The following CHD7 variants were observed in gnomAD, a reference collection of about 807,000 sequenced individuals.
CHD7 encodes chromodomain helicase DNA binding protein 7, also known as ATP-dependent chromatin remodeler CHD7.
In CHD7, 24 loss-of-function variants were observed where a neutral mutation model predicts 307.3. The observed-to-expected ratio is 0.08, with a 90% CI of 0.06 to 0.11. CHD7 has a LOEUF of 0.11. Among genes scored for constraint, CHD7 ranks in the 10% least tolerant of loss-of-function variants. CHD7 has a pLI of 1.00. For synonymous variants in CHD7, 1,363 were observed against 1,349.9 expected (o/e 1.01, Z -0.21); for missense variants, 3,106 against 3,727.1 (o/e 0.83, Z 4.34).
chr8:60,753,209 TG>T (rs1809722615), intron 2 of CHD7, among the ~76,000 whole-genome samples: 1 of 152,230 alleles, frequency 6.6e-6, no homozygotes, highest in African/African-American at 2.4e-5. Context: ...TTTCTCTGAA[TG>T]TTTTTTTCTG....
intron 1 of CHD7, among the ~76,000 whole-genome samples, chr8:60,736,067 G>A (rs1296970152): frequency 6.6e-6 from 1 of 152,214 alleles, no homozygotes; most frequent in Admixed American, 6.5e-5. Flanking sequence ...AGAAAATGTG[G>A]TCTTGGCCCC....
At chr8:60,776,443 G>A (rs1235253479) in intron 2 of CHD7, among the ~76,000 whole-genome samples, 1 of 152,190 alleles carries the variant, frequency 6.6e-6, no homozygotes, top group Non-Finnish European at 1.5e-5. Flanking sequence ...AAGCTTGCTT[G>A]TGAAGCATTT....
chr8:60,680,117 C>T (rs1189244074), intron 1 of CHD7, among the ~76,000 whole-genome samples: 2 of 151,726 alleles, frequency 1.3e-5, no homozygotes, highest in Middle Eastern at 3.2e-3. Flanking sequence ...CCCAACCCGC[C>T]GGGGGTCAGC....
At chr8:60,788,065 G>A (rs1432108334) in intron 3 of CHD7, among the ~76,000 whole-genome samples, 4 of 151,460 alleles carry the variant, frequency 2.6e-5, no homozygotes, top group African/African-American at 9.7e-5. Context: ...CAAGTGATCC[G>A]CCTACCTTGG....
chr8:60,699,539 A>T (rs1370018024), intron 1 of CHD7, among the ~76,000 whole-genome samples: 4 of 151,136 alleles, frequency 2.6e-5, no homozygotes, highest in Non-Finnish European at 5.9e-5. Flanking sequence ...TTTTTTTTTT[A>T]AAGCCTGGGG....
chr8:60,757,518 C>T (rs191343354), intron 2 of CHD7, among the ~76,000 whole-genome samples: 1 of 152,280 alleles, frequency 6.6e-6, no homozygotes, highest in Admixed American at 6.5e-5. Flanking sequence ...AAGGACTGCC[C>T]TCTTGATATT....
intron 1 of CHD7, among the ~76,000 whole-genome samples, chr8:60,701,177 C>A (rs913473404): frequency 6.6e-6 from 1 of 152,198 alleles, no homozygotes; most frequent in Non-Finnish European, 1.5e-5. Context: ...GCAGCAGCAA[C>A]AGTTTAGTCA....
rs145185797 is a variant in CHD7, at chr8:60,797,539, C to A, written c.2238+2412C>A. Among the ~76,000 whole-genome samples, 69 of 152,318 alleles carry A rather than the reference C, an allele frequency of 4.5e-4. No individual in the cohort carries two copies. In the East Asian group the frequency reaches 9.2e-3, roughly 20 times the overall value. Reference sequence around the variant, plus strand: ...TAGCATAAAGTGGATTTGTCTTAGACCCTATCCAGTTACTTATATGGCACA... The same window carrying A: ...TAGCATAAAGTGGATTTGTCTTAGAACCTATCCAGTTACTTATATGGCACA... On this transcript the variant is annotated intron_variant, in intron 4 of 37. Coordinates refer to ENST00000423902, the MANE Select transcript of CHD7 (RefSeq NM_017780.4).
Position 60,857,816 on chromosome 8 carries a change from C to G in CHD7, c.7608+928C>G, listed in dbSNP as rs144642142. On this transcript the variant is annotated intron_variant, in intron 34 of 37. Coordinates refer to ENST00000423902, the MANE Select transcript of CHD7 (RefSeq NM_017780.4). ...ATTATTATTTGCCCATTTTCTATTT[C>G]TTGAACTCAGAGAAAGCTTAATAAG... is the stretch of plus-strand genomic sequence containing the variant. Among the ~76,000 whole-genome samples the G allele has an allele frequency of 4.4e-3, 671 of 152,326 alleles. 6 individuals carry two copies. The highest frequency in any genetic ancestry group is 0.016 in the African/African-American group (650 of 41,570).
In CHD7 at chr8:60,860,907, G is replaced by A. The variant is rs1173657826; in HGVS notation, c.7612G>A (p.Asp2538Asn). 1 of 1,610,276 alleles carries A rather than the reference G, an allele frequency of 6.2e-7. No homozygotes were observed. Among genetic ancestry groups the A allele is most frequent in the Non-Finnish European group, 8.5e-7 (1 of 1,177,796 alleles). ...SHKRTSLSAE[D>N]AEVTKAFEED... ...TACCATTGTGAACTTTCTGCAGGAG[G>A]ATGCTGAGGTGACCAAAGCTTTTGA... Residue 2538 changes from aspartate to asparagine, a missense_variant, in exon 35 of 38, where the codon GAT becomes AAT. By Grantham distance (23) the Asp-to-Asn change is conservative. Around this residue, in one of 10 missense-constraint regions of CHD7, gnomAD observed 1,030 missense variants for 1,165.4 expected, o/e 0.88. Coordinates refer to ENST00000423902, the MANE Select transcript of CHD7 (RefSeq NM_017780.4).
intron 1 of CHD7, among the ~76,000 whole-genome samples, chr8:60,699,742 C>T (rs771889843): frequency 6.6e-6 from 1 of 152,120 alleles, no homozygotes; most frequent in Admixed American, 6.5e-5. Flanking sequence ...CCAGACTTCA[C>T]GTGTCATCCG....
intron 1 of CHD7, among the ~76,000 whole-genome samples, chr8:60,727,833 C>T (rs1388772934): frequency 2.6e-5 from 4 of 152,146 alleles, no homozygotes; most frequent in African/African-American, 9.7e-5. Flanking sequence ...TTTTCTACAC[C>T]TCTCTTCCAT....
At chr8:60,757,886 A>G (rs1809972449) in intron 2 of CHD7, among the ~76,000 whole-genome samples, 1 of 152,170 alleles carries the variant, frequency 6.6e-6, no homozygotes, top group Non-Finnish European at 1.5e-5. Context: ...TGTGAGACAA[A>G]TATGTTCAGG....
At chr8:60,744,748 GGGA>G (rs1257257155) in intron 2 of CHD7, among the ~76,000 whole-genome samples, 1 of 151,548 alleles carries the variant, frequency 6.6e-6, no homozygotes, top group Admixed American at 6.6e-5. Context: ...CCAGCTGCTT[GGGA>G]GGCTGAGGCA....
At chr8:60,847,378 C>T (rs2150798063) in intron 23 of CHD7, among the ~76,000 whole-genome samples, 1 of 152,314 alleles carries the variant, frequency 6.6e-6, no homozygotes, top group Non-Finnish European at 1.5e-5. Context: ...TAACTCTGGC[C>T]TTAGATTTGT....
chr8:60,695,097 G>A (rs1044136991), intron 1 of CHD7, among the ~76,000 whole-genome samples: 4 of 152,108 alleles, frequency 2.6e-5, no homozygotes, highest in Admixed American at 6.5e-5. Context: ...AGCCTGGCAT[G>A]GAGCGGAGAA....
rs567832696 is a variant in CHD7 at position 60,838,387 on chromosome 8, C to T, written c.4533+132C>T. 1.8e-3 allele frequency: 1,415 copies of T among 789,816 alleles called. 4 individuals are homozygous for T. Among genetic ancestry groups the T allele is most frequent in the Non-Finnish European group, 2.0e-3 (1,007 of 496,820 alleles). 48.9% of individuals were successfully genotyped at this position (789,816 alleles called of 1,614,324 possible). On this transcript the variant is annotated intron_variant, in intron 19 of 37. Coordinates refer to ENST00000423902, the MANE Select transcript of CHD7 (RefSeq NM_017780.4). Reference sequence around the variant, plus strand: ...TTAATCATTAACTCCCTGTGGAACCCCTGGCACATGAAGCTTTCTTTATGC... The same window carrying T: ...TTAATCATTAACTCCCTGTGGAACCTCTGGCACATGAAGCTTTCTTTATGC...
chr8:60,725,779 C>T (rs1447381439), intron 1 of CHD7, among the ~76,000 whole-genome samples: 1 of 152,186 alleles, frequency 6.6e-6, no homozygotes, highest in African/African-American at 2.4e-5. Context: ...AGAGATTTCA[C>T]TCTTCTGAGA....
chr8:60,700,844 A>G (rs994209742), intron 1 of CHD7, among the ~76,000 whole-genome samples: 16 of 152,178 alleles, frequency 1.1e-4, no homozygotes, highest in African/African-American at 2.4e-4. Flanking sequence ...TGTAAGTGCA[A>G]TGAGGACGAT....
Sources: allele counts gnomAD v4.1 joint callset (sites outside exome capture counted in the v4.1 genomes callset), GRCh38; gene constraint gnomAD v4.1.1; regional missense constraint gnomAD v4.1.1; transcripts MANE v1.5; gene names NCBI Gene and HGNC (gene_info 2026-07-23, HGNC 2026-07-21).